The following FUT8 variants were observed in gnomAD, a reference collection of about 807,000 sequenced individuals.
FUT8 encodes alpha-(1,6)-fucosyltransferase.
A neutral mutation model predicts 71.3 loss-of-function variants in FUT8; 29 were observed. The ratio of observed to expected loss-of-function variants is 0.41; its 90% CI spans 0.30 to 0.55. The LOEUF (loss-of-function observed/expected upper bound fraction) is 0.55, where lower values mean the gene tolerates loss of function less well. Ranked by LOEUF, FUT8 falls within the 20% of genes least tolerant of loss-of-function variation. FUT8 has a pLI of 0.34. For synonymous variants in FUT8, 254 were observed against 239.3 expected (o/e 1.06, Z -0.57); for missense variants, 544 against 702.1 (o/e 0.77, Z 2.55).
chr14:65,527,967 G>A (rs1367409811), intron 2 of FUT8, among the ~76,000 whole-genome samples: 1 of 152,218 alleles, frequency 6.6e-6, no homozygotes, highest in African/African-American at 2.4e-5. Flanking sequence ...CTACTGGGGG[G>A]TGCCTCCCAG....
intron 1 of FUT8, 77 bp from the exon 2 acceptor site, chr14:65,455,544 G>T: frequency 2.5e-6 from 1 of 396,442 alleles, no homozygotes; most frequent in Middle Eastern, 6.3e-4. Flanking sequence ...AAAGTTAAAG[G>T]TATTTAAAAA....
chr14:65,551,613 AGGTTTATGGCATAGATTGT>A (rs1394664737), intron 2 of FUT8, among the ~76,000 whole-genome samples: 1 of 152,220 alleles, frequency 6.6e-6, no homozygotes, highest in East Asian at 1.9e-4. Context: ...GATGATGAAT[AGGTTTATGGCATAGATTGT>A]GGTGATGAGT....
At chr14:65,397,782 A>G in the FUT8 span, among the ~76,000 whole-genome samples, 1 of 152,310 alleles carries the variant, frequency 6.6e-6, no homozygotes, top group East Asian at 1.9e-4. This position sits in a 1 kb window ranked among gnomAD's most constrained non-coding sequence, Gnocchi z 4.2. Flanking sequence ...TCTTAAATGT[A>G]TGTATAGCTC....
chr14:65,631,552 T>G (rs1364833424), intron 6 of FUT8, among the ~76,000 whole-genome samples: 5 of 152,188 alleles, frequency 3.3e-5, no homozygotes, highest in African/African-American at 1.2e-4. Flanking sequence ...ACCTAGCACT[T>G]TACTTGGACC....
At chr14:65,535,524 T>C (rs1884246913) in intron 2 of FUT8, among the ~76,000 whole-genome samples, 1 of 152,218 alleles carries the variant, frequency 6.6e-6, no homozygotes, top group Non-Finnish European at 1.5e-5. Context: ...AGAACTTCTT[T>C]GGTTTCTGCC....
chr14:65,564,573 C>T (rs1432876406), intron 3 of FUT8, among the ~76,000 whole-genome samples: 3 of 151,910 alleles, frequency 2.0e-5, no homozygotes, highest in Non-Finnish European at 4.4e-5. Context: ...CTTCCTTTAT[C>T]GTAGATGTCT....
At chr14:65,554,669 T>C (rs1885493113) in intron 2 of FUT8, among the ~76,000 whole-genome samples, 1 of 152,060 alleles carries the variant, frequency 6.6e-6, no homozygotes, top group Admixed American at 6.6e-5. Flanking sequence ...AATAGTTAAA[T>C]TCACTGAATC....
intron 3 of FUT8, among the ~76,000 whole-genome samples, chr14:65,585,185 T>A (rs1276601624): frequency 6.6e-6 from 1 of 152,106 alleles, no homozygotes; most frequent in Non-Finnish European, 1.5e-5. Context: ...TTTATTTATT[T>A]TAATTTTTAA....
intron 5 of FUT8, among the ~76,000 whole-genome samples, chr14:65,619,930 T>C (rs1304263111): frequency 6.6e-6 from 1 of 152,148 alleles, no homozygotes; most frequent in Non-Finnish European, 1.5e-5. Flanking sequence ...ATTTATCTTG[T>C]ATTGTAGGTT....
intron 2 of FUT8, among the ~76,000 whole-genome samples, chr14:65,461,354 T>G (rs1453557274): frequency 6.6e-6 from 1 of 152,194 alleles, no homozygotes; most frequent in East Asian, 1.9e-4. Context: ...TGACATTATA[T>G]CAACTTGATT....
chr14:65,705,521 C>G (rs1449835026), intron 7 of FUT8, among the ~76,000 whole-genome samples: 1 of 152,204 alleles, frequency 6.6e-6, no homozygotes, highest in Non-Finnish European at 1.5e-5. Context: ...TCCTTTTACT[C>G]TTGCCTCCTC....
chr14:65,416,315 CTT>C (rs60272967), intron 1 of FUT8, among the ~76,000 whole-genome samples: 11 of 144,066 alleles, frequency 7.6e-5, no homozygotes, highest in Non-Finnish European at 1.1e-4. Context: ...ATTATGGTAC[CTT>C]TTTTTTTTTT....
intron 1 of FUT8, among the ~76,000 whole-genome samples, chr14:65,418,236 T>G (rs2065245869): frequency 6.6e-6 from 1 of 152,208 alleles, no homozygotes; most frequent in South Asian, 2.1e-4. Flanking sequence ...TCCTCTTAAT[T>G]ACCTTTAACG....
intron 2 of FUT8, among the ~76,000 whole-genome samples, chr14:65,547,238 A>G (rs905721231): frequency 7.9e-5 from 12 of 151,072 alleles, no homozygotes; most frequent in African/African-American, 2.7e-4. Context: ...TATCGGTTTT[A>G]TATTACATTC....
Position 65,693,989 on chromosome 14 carries a change from A to G in FUT8, c.835+24509A>G, listed in dbSNP as rs187918074. Among the ~76,000 whole-genome samples, 15 of 152,336 alleles carry G rather than the reference A, an allele frequency of 9.8e-5. No homozygotes were observed. In the East Asian group the frequency reaches 2.9e-3, roughly 29 times the overall value. On this transcript the variant is annotated intron_variant, in intron 7 of 10. Coordinates refer to ENST00000673929, the MANE Select transcript of FUT8 (RefSeq NM_001371533.1). Reference sequence around the variant, plus strand: ...ATTTGTGGGTACAGTGTTATCCATAATATTCCTTTATTATCGTTTTAACGT... The same window carrying G: ...ATTTGTGGGTACAGTGTTATCCATAGTATTCCTTTATTATCGTTTTAACGT...
intron 2 of FUT8, among the ~76,000 whole-genome samples, chr14:65,557,520 C>T (rs919419536): frequency 4.0e-5 from 6 of 151,298 alleles, no homozygotes; most frequent in East Asian, 1.9e-4. Context: ...TTAGTAGAGG[C>T]GGGGGTTTCA....
intron 2 of FUT8, among the ~76,000 whole-genome samples, chr14:65,495,090 G>A (rs2066538473): frequency 6.6e-6 from 1 of 151,268 alleles, no homozygotes; most frequent in South Asian, 2.1e-4. Flanking sequence ...CCTCTTTCTG[G>A]AACCTTTCAG....
chr14:65,418,209 A>G (rs2065245347), intron 1 of FUT8, among the ~76,000 whole-genome samples: 1 of 152,230 alleles, frequency 6.6e-6, no homozygotes, highest in African/African-American at 2.4e-5. Context: ...AACAAAAGTA[A>G]AATGAAAATG....
At chr14:65,695,610 C>T (rs1055825967) in intron 7 of FUT8, among the ~76,000 whole-genome samples, 9 of 151,884 alleles carry the variant, frequency 5.9e-5, no homozygotes, top group African/African-American at 1.7e-4. Flanking sequence ...TTACTTTTAA[C>T]CTATGTGTAT....
Sources: gnomAD v4.1 joint callset for allele counts (sites outside exome capture counted in the v4.1 genomes callset) on GRCh38, gnomAD v4.1.1 for gene constraint, Gnocchi (gnomAD v3.1) non-coding constraint, MANE v1.5 for transcripts, NCBI Gene and HGNC (gene_info 2026-07-23, HGNC 2026-07-21) for gene names.